The following GAMT variants were observed in gnomAD, a reference collection of about 807,000 sequenced individuals.
The protein encoded by GAMT is epididymis secretory protein Li 20.
Under a neutral mutation model 26.9 loss-of-function variants are expected in GAMT, and 26 were observed. The ratio of observed to expected loss-of-function variants is 0.97; its 90% confidence interval spans 0.71 to 1.34. The LOEUF is 1.34. Ranked by LOEUF, GAMT falls within the 40% of genes most tolerant of loss-of-function variation. The pLI is 0.00. For missense variants in GAMT, 412 were observed against 345.0 expected (o/e 1.19, Z -1.54); for synonymous variants, 169 against 149.6 (o/e 1.13, Z -0.95).
rs373995804 is a variant in GAMT at position 1,399,380 on chromosome 19, C to T, written c.391+144G>A. Reference sequence around the variant, plus strand: ...GCCCCTCCGTGAGCATGCCCATCCCCGGTGCTCCGCCATCCCACAGCCAGG... The same window carrying T: ...GCCCCTCCGTGAGCATGCCCATCCCTGGTGCTCCGCCATCCCACAGCCAGG... On this transcript the variant is annotated intron_variant, in intron 3 of 5. Transcript: ENST00000252288. This position sits in a 1 kb window ranked among gnomAD's most constrained non-coding sequence, Gnocchi z 6.2. 71 of 1,016,468 alleles carry T rather than the reference C, an allele frequency of 7.0e-5. No homozygotes were observed. The highest frequency in any genetic ancestry group is 4.9e-4 in the African/African-American group (31 of 62,674). 63.0% of individuals were successfully genotyped at this position (1,016,468 alleles called of 1,614,324 possible).
intron 5 of GAMT, chr19:1,397,770 T>G: frequency 7.3e-7 from 1 of 1,363,732 alleles, no homozygotes; most frequent in Non-Finnish European, 9.5e-7. Context: ...CTCCAGACCT[T>G]GCCAGTGTGG....
chr19:1,398,128 C>T (rs760510965), intron 5 of GAMT: 75 of 984,550 alleles, frequency 7.6e-5, no homozygotes, highest in South Asian at 9.1e-5. Context: ...GATGGAGTCT[C>T]GGTCTGTTGC....
At position 1,398,883 on chromosome 19, in the gene GAMT, T is replaced by G. The variant is rs2082616252; in HGVS notation, c.570+33A>C. On this transcript the variant is annotated intron_variant, in intron 5 of 5. Coordinates refer to ENST00000252288, the MANE Select transcript of GAMT (RefSeq NM_000156.6). The stretch of plus-strand genomic sequence containing the variant: ...CCCACCCCCATCCAAGGTCACTTCC[T>G]GGAGACCCATGGGGAACTTCAGGTG... 1.9e-6 allele frequency: 3 copies of G among 1,612,242 alleles called. No homozygotes were observed. The East Asian group carries it at 6.7e-5, about 36-fold the overall frequency.
chr19:1,397,478 G>C lies in GAMT; in HGVS notation c.592C>G (p.Leu198Val). The C allele has an allele frequency of 6.2e-7, 1 of 1,606,180 alleles. No homozygotes were observed. Among genetic ancestry groups the C allele is most frequent in the South Asian group, 1.1e-5 (1 of 91,080 alleles). ...MFEETQVPAL[L>V]EAGFRRENIR... ...TTCTCCCTCCGGAAGCCGGCCTCCA[G>C]CAGCGCGGGCACCTGCGTCTCCTGG... The change falls in exon 6 of 6, where the codon CTG (leucine) becomes GTG (valine). Residue 198 changes from leucine (L) to valine (V), a missense_variant. By Grantham distance (32) the Leu-to-Val change is conservative. Transcript: ENST00000252288.
chr19:1,398,399 G>T, intron 5 of GAMT: 1 of 332,966 alleles, frequency 3.0e-6, no homozygotes, highest in East Asian at 5.2e-5. Context: ...CGCCCAGCCT[G>T]ATTTCCATTT....
chr19:1,399,017 AG>A lies in GAMT; in HGVS notation c.468del (p.Arg158AlafsTer3). The A allele has an allele frequency of 6.2e-7, 1 of 1,613,456 alleles. No individual in the cohort carries two copies. The highest frequency in any genetic ancestry group is 8.5e-7 in the Non-Finnish European group (1 of 1,180,000). ...THQFNFIKNH[A>X]FRLLKPGGVL... is the part of the protein sequence containing the mutation. ...ACGCCCCCCGGCTTCAGCAGGCGAAAGGCGTGGTTCTGTGGAAGGGGAGTGG... is the reference window on the plus strand; with the variant it reads ...ACGCCCCCCGGCTTCAGCAGGCGAAAGCGTGGTTCTGTGGAAGGGGAGTGG... On this transcript the variant is annotated frameshift_variant, in exon 5 of 6. Transcript: ENST00000252288. LOFTEE classifies it high-confidence loss of function. This position sits in a 1 kb window ranked among gnomAD's most constrained non-coding sequence, Gnocchi z 6.2.
In GAMT at chr19:1,398,910, G is replaced by A. The variant is rs766937218; in HGVS notation, c.570+6C>T. The A allele has an allele frequency of 6.2e-7, 1 of 1,613,290 alleles. No homozygotes were observed. The highest frequency in any genetic ancestry group is 1.7e-5 in the Admixed American group (1 of 60,016). ...GAGACCCATGGGGAACTTCAGGTGG[G>A]CGCACCTCAAACATGATGGTGATGT... On this transcript the variant is annotated splice_donor_region_variant and intron_variant, in intron 5 of 5. Transcript: ENST00000252288.
Position 1,399,221 on chromosome 19 carries a change from G to C in GAMT, c.392-26C>G. Reference sequence around the variant, plus strand: ...CTGCACGGAGAACAGAAGCCCACGCGGTCAGGGCCGGGCTCAGCGCCTCAC... The same window carrying C: ...CTGCACGGAGAACAGAAGCCCACGCCGTCAGGGCCGGGCTCAGCGCCTCAC... On this transcript the variant is annotated intron_variant, in intron 3 of 5. Transcript: ENST00000252288. This position sits in a 1 kb window ranked among gnomAD's most constrained non-coding sequence, Gnocchi z 6.2. 5 of 1,612,290 alleles carry C rather than the reference G, an allele frequency of 3.1e-6. No homozygotes were observed. The highest frequency in any genetic ancestry group is 4.2e-6 in the Non-Finnish European group (5 of 1,179,222).
Position 1,401,184 on chromosome 19 carries a change from G to A in GAMT, c.181+112C>T, listed in dbSNP as rs148193556. ...CCTGCAGCCCCACTTCCCAGGCGAG[G>A]AGACAGAGGCGCCCCGGCGGGAGGG... On this transcript the variant is annotated intron_variant, in intron 1 of 5. Transcript: ENST00000252288. The A allele has an allele frequency of 9.3e-4, 905 of 971,410 alleles. 7 individuals are homozygous for A. In the African/African-American group the frequency reaches 0.014, roughly 15 times the overall value. The allele number at this position is 971,410 out of a possible 1,614,324, so 60.2% of individuals were successfully genotyped here. A position where few individuals can be genotyped will look rare whatever the true frequency, so the allele number is the denominator to read the frequency against.
chr19:1,397,446 A>T lies in GAMT; in HGVS notation c.624T>A (p.Arg208=), dbSNP rs759873807. The T allele has an allele frequency of 6.2e-7, 1 of 1,610,340 alleles. No individual in the cohort carries two copies. The highest frequency in any genetic ancestry group is 8.5e-7 in the Non-Finnish European group (1 of 1,179,914). ...GTGGGACCAGCGCCATCACCTCCGT[A>T]CGGATGTTCTCCCTCCGGAAGCCGG... The part of the protein sequence containing the change: ...LEAGFRRENI[R]TEVMALVPPA... The change falls in exon 6 of 6, where the codon CGT becomes CGA. Residue 208 remains arginine (R), a synonymous_variant. Coordinates refer to ENST00000252288, the MANE Select transcript of GAMT (RefSeq NM_000156.6).
chr19:1,399,850 C>T lies in GAMT; in HGVS notation c.270G>A (p.Glu90=), dbSNP rs138754049. The part of the protein sequence containing the change: ...EAPIDEHWII[E]CNDGVFQRLR... The stretch of plus-strand genomic sequence containing the variant: ...GCCGCTGGAAGACGCCGTCATTGCA[C>T]TCGATGATCCAATGCTCATCAATGG... Residue 90 remains glutamate, a synonymous_variant, in exon 2 of 6, where the codon GAG becomes GAA. Transcript: ENST00000252288. This position sits in a 1 kb window ranked among gnomAD's most constrained non-coding sequence, Gnocchi z 6.2. 26 of 1,598,872 alleles carry T rather than the reference C, an allele frequency of 1.6e-5. No individual in the cohort carries two copies. The highest frequency in any genetic ancestry group is 3.3e-4 in the Middle Eastern group (2 of 6,066).
chr19:1,401,412 G>A lies in GAMT; in HGVS notation c.65C>T (p.Ala22Val). The change falls in exon 1 of 6, where the codon GCG becomes GTG. Residue 22 changes from alanine to valine, a missense_variant. Physicochemically the swap from Ala to Val is moderately conservative, Grantham distance 64 (BLOSUM62 0). Coordinates refer to ENST00000252288, the MANE Select transcript of GAMT (RefSeq NM_000156.6). ...CGCTGCGTCGTAGGCCGCGGGCGCC[G>A]CCCCCCACGCGGGGCTGCAGTTCTC... ...PGENCSPAWG[A>V]APAAYDAADT... 2 of 1,450,642 alleles carry A rather than the reference G, an allele frequency of 1.4e-6. No homozygotes were observed. Among genetic ancestry groups the A allele is most frequent in the Non-Finnish European group, 1.8e-6 (2 of 1,103,866 alleles). 89.9% of individuals were successfully genotyped at this position (1,450,642 alleles called of 1,614,324 possible).
At chr19:1,401,267 G>A (rs780127492) in intron 1 of GAMT, 29 bp downstream of exon 1, 4 of 1,416,860 alleles carry the variant, frequency 2.8e-6, no homozygotes, top group East Asian at 5.8e-5. Flanking sequence ...CTGCGCCCCC[G>A]GGGGCGGTGC....
At chr19:1,398,817 G>A in intron 5 of GAMT, 99 bp downstream of exon 5, 1 of 1,566,868 alleles carries the variant, frequency 6.4e-7, no homozygotes. Flanking sequence ...GGGTCAGGAA[G>A]GGACCCTCCC....
In GAMT at chr19:1,397,350, G is replaced by T; in HGVS notation, c.*9C>A. On this transcript the variant is annotated 3_prime_UTR_variant, in exon 6 of 6. Transcript: ENST00000252288. ...GAGGGCATGGGTGTGGCCGGGCCGG[G>T]GTGGGGGCTCAGCCTTTGGTCACCA... 1 of 1,608,578 alleles carries T rather than the reference G, an allele frequency of 6.2e-7. No homozygotes were observed.
At chr19:1,400,035 C>A (rs1394581756) in intron 1 of GAMT, 97 bp from the exon 2 acceptor site, 2 of 1,439,350 alleles carry the variant, frequency 1.4e-6, no homozygotes, top group Non-Finnish European at 1.9e-6. Context: ...GGGGAGACTG[C>A]CTGGAGGAGG....
intron 1 of GAMT, 105 bp downstream of exon 1, chr19:1,401,191 A>T: frequency 9.8e-7 from 1 of 1,020,134 alleles, no homozygotes; most frequent in Non-Finnish European, 1.3e-6. Context: ...GAGGAGACAG[A>T]GGCGCCCCGG....
At chr19:1,400,058 G>C (rs2082625058) in intron 1 of GAMT, 120 bp from the exon 2 acceptor site, 1 of 1,229,452 alleles carries the variant, frequency 8.1e-7, no homozygotes, top group African/African-American at 1.5e-5. Context: ...GCGCAGGGCT[G>C]GGCTGGGGGT....
Position 1,397,643 on chromosome 19 carries a change from C to G in GAMT, c.571-144G>C, listed in dbSNP as rs2082608526. 2.1e-6 allele frequency: 3 copies of G among 1,428,932 alleles called. No individual in the cohort carries two copies. The South Asian group carries it at 3.9e-5, about 19-fold the overall frequency. 88.5% of individuals were successfully genotyped at this position (1,428,932 alleles called of 1,614,324 possible). A position where few individuals can be genotyped will look rare whatever the true frequency, so the allele number is the denominator to read the frequency against. Reference sequence around the variant, plus strand: ...CCCGTGGGCACGTGGCAGGGCAGCCCTGGAAGCCCAGGTGTGAACGGGAAT... The same window carrying G: ...CCCGTGGGCACGTGGCAGGGCAGCCGTGGAAGCCCAGGTGTGAACGGGAAT... On this transcript the variant is annotated intron_variant, in intron 5 of 5. Coordinates refer to ENST00000252288, the MANE Select transcript of GAMT (RefSeq NM_000156.6).
Sources: gnomAD v4.1 joint callset for allele counts on GRCh38, gnomAD v4.1.1 for gene constraint, Gnocchi (gnomAD v3.1) non-coding constraint, MANE v1.5 for transcripts, NCBI Gene and HGNC (gene_info 2026-07-23, HGNC 2026-07-21) for gene names.